PCOLCE2: variants seen among roughly 807,000 people sequenced by gnomAD.
The protein encoded by PCOLCE2 is procollagen C-proteinase enhancer 2.
A neutral mutation model predicts 47.0 loss-of-function variants in PCOLCE2; 42 were observed. That is an observed-to-expected ratio of 0.89 (90% CI 0.70 to 1.16). PCOLCE2 has a LOEUF of 1.16. Ranked by LOEUF, PCOLCE2 falls within the 50% of genes most tolerant of loss-of-function variation. The pLI is 0.00. For missense variants in PCOLCE2, 500 were observed against 526.1 expected, an observed-to-expected ratio of 0.95 and a Z score of 0.49; for synonymous variants, 169 against 191.7, an observed-to-expected ratio of 0.88 and a Z score of 0.98.
At chr3:142,864,267 A>G (rs1933238992) in intron 2 of PCOLCE2, 1 of 152,184 alleles carries the variant, frequency 6.6e-6, no homozygotes, top group African/African-American at 2.4e-5. Flanking sequence ...GTCTGAAGAG[A>G]TGGCTGATGT....
intron 2 of PCOLCE2, among the ~76,000 whole-genome samples, chr3:142,859,121 G>C (rs1050780517): frequency 5.9e-5 from 9 of 151,496 alleles, no homozygotes; most frequent in Non-Finnish European, 1.0e-4. Context: ...AGAGTGCAGT[G>C]GCATGATCTC....
chr3:142,836,815 G>A (rs1466270269), intron 5 of PCOLCE2, among the ~76,000 whole-genome samples: 1 of 151,874 alleles, frequency 6.6e-6, no homozygotes, highest in African/African-American at 2.4e-5. Context: ...AAAAGAGGAG[G>A]GTTAATAAAT....
At chr3:142,865,963 G>A (rs1031552650) in intron 2 of PCOLCE2, among the ~76,000 whole-genome samples, 49 of 152,288 alleles carry the variant, frequency 3.2e-4, no homozygotes, top group Middle Eastern at 3.4e-3. Flanking sequence ...TAGGCAAACA[G>A]ATCAATGGAA....
intron 2 of PCOLCE2, among the ~76,000 whole-genome samples, chr3:142,860,553 C>T (rs763624249): frequency 1.3e-5 from 2 of 152,080 alleles, no homozygotes; most frequent in South Asian, 2.1e-4. Flanking sequence ...GGATTACAGG[C>T]GCCCACCACC....
intron 2 of PCOLCE2, among the ~76,000 whole-genome samples, chr3:142,876,545 G>A (rs1258791771): frequency 6.6e-6 from 1 of 152,136 alleles, no homozygotes; most frequent in East Asian, 1.9e-4. Context: ...GTGGGTCACT[G>A]GTCTCAGCTG....
At chr3:142,864,293 A>G (rs1474621096) in intron 2 of PCOLCE2, 1 of 152,210 alleles carries the variant, frequency 6.6e-6, no homozygotes, top group African/African-American at 2.4e-5. Flanking sequence ...AGAAGCACTT[A>G]TGCTGTGGTT....
chr3:142,851,882 G>C (rs1470446573), intron 2 of PCOLCE2, among the ~76,000 whole-genome samples: 1 of 152,188 alleles, frequency 6.6e-6, no homozygotes, highest in Non-Finnish European at 1.5e-5. Context: ...CTCCTGTAGA[G>C]AGGTGTTGAA....
At chr3:142,866,506 T>C (rs1933285882) in intron 2 of PCOLCE2, among the ~76,000 whole-genome samples, 1 of 152,120 alleles carries the variant, frequency 6.6e-6, no homozygotes, top group Non-Finnish European at 1.5e-5. Context: ...CAATCAATAA[T>C]AAATAAATAA....
At position 142,842,422 on chromosome 3, in the gene PCOLCE2, C is replaced by G. The variant is rs1004602820; in HGVS notation, c.573+502G>C. Among the ~76,000 whole-genome samples the G allele has an allele frequency of 3.3e-5, 5 of 151,996 alleles. No homozygotes were observed. The highest frequency in any genetic ancestry group is 1.2e-4 in the African/African-American group (5 of 41,368). ...TCATTATATAGCAGGAAATTAAATC[C>G]ATGAATTTGCAACTCAAAAAAATGC... is the stretch of plus-strand genomic sequence containing the variant. On this transcript the variant is annotated intron_variant, in intron 4 of 8. Coordinates refer to ENST00000295992, the MANE Select transcript of PCOLCE2 (RefSeq NM_013363.4). The surrounding 1 kb of genome is among the most constrained non-coding windows in gnomAD (Gnocchi z 4.1).
intron 2 of PCOLCE2, among the ~76,000 whole-genome samples, chr3:142,856,022 G>C (rs1933052415): frequency 6.6e-6 from 1 of 152,200 alleles, no homozygotes; most frequent in South Asian, 2.1e-4. Context: ...TCTGTGGCAG[G>C]TAACTGTATA....
chr3:142,881,603 C>G (rs867983305), intron 2 of PCOLCE2, among the ~76,000 whole-genome samples: 1 of 152,070 alleles, frequency 6.6e-6, no homozygotes, highest in Non-Finnish European at 1.5e-5. Context: ...TCCTAGGCTA[C>G]GACACTGTAC....
At chr3:142,829,888 T>A (rs1904307) in intron 5 of PCOLCE2, 42 bp from the exon 6 acceptor site, 1 of 1,205,124 alleles carries the variant, frequency 8.3e-7, no homozygotes, top group Non-Finnish European at 1.2e-6. Context: ...TACTTAAAAG[T>A]GGTGCCTCTC....
rs913175477 is a variant in PCOLCE2, at chr3:142,887,496, A to T, written c.192+173T>A. On this transcript the variant is annotated intron_variant, in intron 2 of 8. Coordinates refer to ENST00000295992, the MANE Select transcript of PCOLCE2 (RefSeq NM_013363.4). ...TTTGTAATCACTAATGCAGGACACG[A>T]CTAGATCTATTATATTAATAAAAAT... 1.0e-5 allele frequency: 6 copies of T among 584,030 alleles called. No individual in the cohort carries two copies. The African/African-American group carries it at 1.1e-4, about 11-fold the overall frequency. The allele number at this position is 584,030 out of a possible 1,614,324, so 36.2% of individuals were successfully genotyped here.
intron 6 of PCOLCE2, among the ~76,000 whole-genome samples, chr3:142,826,623 G>C (rs1215117745): frequency 6.6e-6 from 1 of 152,138 alleles, no homozygotes; most frequent in African/African-American, 2.4e-5. Context: ...CTTGGGGAAT[G>C]AGCTACTGAA....
At chr3:142,878,372 T>G (rs1006225137) in intron 2 of PCOLCE2, among the ~76,000 whole-genome samples, 4 of 152,152 alleles carry the variant, frequency 2.6e-5, no homozygotes, top group African/African-American at 9.7e-5. Flanking sequence ...AAACACTTAT[T>G]TTCTCCAAAG....
chr3:142,857,124 A>T lies in PCOLCE2; in HGVS notation c.193-8652T>A, dbSNP rs528830106. Among the ~76,000 whole-genome samples the T allele has an allele frequency of 3.3e-5, 5 of 152,266 alleles. No homozygotes were observed. In the South Asian group the frequency reaches 1.0e-3, roughly 32 times the overall value. On this transcript the variant is annotated intron_variant, in intron 2 of 8. Transcript: ENST00000295992. Reference sequence around the variant, plus strand: ...GAACCTGTACTTTCCCATGCTTCCTACTGAACCAGCTGGTGCGAGCCTGGT... The same window carrying T: ...GAACCTGTACTTTCCCATGCTTCCTTCTGAACCAGCTGGTGCGAGCCTGGT...
chr3:142,880,296 TC>T (rs1933588365), intron 2 of PCOLCE2, among the ~76,000 whole-genome samples: 1 of 151,188 alleles, frequency 6.6e-6, no homozygotes, highest in Admixed American at 6.6e-5. Context: ...TAATTCTAAA[TC>T]CTACGTGCAG....
At chr3:142,858,358 GAAA>G (rs893004351) in intron 2 of PCOLCE2, among the ~76,000 whole-genome samples, 1 of 152,128 alleles carries the variant, frequency 6.6e-6, no homozygotes, top group Admixed American at 6.5e-5. Context: ...GATGGAGATG[GAAA>G]AAAAGTTTCC....
rs530259368 is a variant in PCOLCE2 at position 142,857,875 on chromosome 3, C to T, written c.193-9403G>A. The stretch of plus-strand genomic sequence containing the variant: ...CAGAATCATAGGGTACTGGGCCCAC[C>T]CCAGGCTAACATTCTGGCCTCATCT... On this transcript the variant is annotated intron_variant, in intron 2 of 8. Coordinates refer to ENST00000295992, the MANE Select transcript of PCOLCE2 (RefSeq NM_013363.4). Among the ~76,000 whole-genome samples the T allele has an allele frequency of 2.6e-5, 4 of 152,306 alleles. No individual in the cohort carries two copies. In the East Asian group the frequency reaches 7.7e-4, roughly 29 times the overall value.
Sources: gnomAD v4.1 joint callset for allele counts (sites outside exome capture counted in the v4.1 genomes callset) on GRCh38, gnomAD v4.1.1 for gene constraint, Gnocchi (gnomAD v3.1) non-coding constraint, MANE v1.5 for transcripts, NCBI Gene and HGNC (gene_info 2026-07-23, HGNC 2026-07-21) for gene names.